Variants in GINS4 observed in about 807,000 individuals in gnomAD.
GINS4 encodes the protein DNA replication complex GINS protein SLD5.
In GINS4, 20 loss-of-function variants were observed where a neutral mutation model predicts 31.1. That is an observed-to-expected ratio of 0.64 (90% CI 0.45 to 0.93). GINS4 has a LOEUF of 0.93. GINS4 is among the 40% of genes least tolerant of loss of function. GINS4 has a pLI of 0.00. For synonymous variants in GINS4, 85 were observed against 97.9 expected (o/e 0.87, Z 0.78); for missense variants, 245 against 273.9 (o/e 0.89, Z 0.75).
At position 41,530,091 on chromosome 8, in the gene GINS4, C is replaced by T. The variant is rs184309159; in HGVS notation, c.-19-93C>T. On this transcript the variant is annotated intron_variant, in intron 1 of 7. Transcript: ENST00000276533. ...AAGGGCCTCTACAACCCCAGGAAAC[C>T]TCAATAAACCTTTCCTTTCTCCAGA... 1.3e-3 allele frequency: 1,026 copies of T among 802,324 alleles called. 4 individuals are homozygous for T. The highest frequency in any genetic ancestry group is 4.1e-3 in the South Asian group (226 of 55,264). 49.7% of individuals were successfully genotyped at this position (802,324 alleles called of 1,614,324 possible). A position where few individuals can be genotyped will look rare whatever the true frequency, so the allele number is the denominator to read the frequency against.
At chr8:41,537,343 C>A in intron 4 of GINS4, 50 bp downstream of exon 4, 1 of 1,329,508 alleles carries the variant, frequency 7.5e-7, no homozygotes, top group Non-Finnish European at 1.1e-6. Flanking sequence ...GTCTGTAATG[C>A]AGACTGAATG....
chr8:41,531,163 T>A (rs570753844), intron 2 of GINS4, among the ~76,000 whole-genome samples: 1 of 152,130 alleles, frequency 6.6e-6, no homozygotes, highest in African/African-American at 2.4e-5. Flanking sequence ...TCCCAGCTAC[T>A]CGGGAGGCTA....
intron 2 of GINS4, among the ~76,000 whole-genome samples, chr8:41,534,741 T>C (rs1273040827): frequency 2.0e-5 from 3 of 151,660 alleles, no homozygotes; most frequent in African/African-American, 2.4e-5. Context: ...ACAGGGTCTT[T>C]TTTTTTTTTG....
In GINS4 at chr8:41,543,552, T is replaced by C. The variant is rs967606876; in HGVS notation, c.*1465T>C. ...AGGCAGTGAATGAATGATCTTTCCTTGAAATGCTATAAAAAGCAACCTGCA... is the reference window on the plus strand; with the variant it reads ...AGGCAGTGAATGAATGATCTTTCCTCGAAATGCTATAAAAAGCAACCTGCA... On this transcript the variant is annotated 3_prime_UTR_variant, in exon 8 of 8. Transcript: ENST00000276533. 1 of 152,216 alleles carries C rather than the reference T, an allele frequency of 6.6e-6. No individual in the cohort carries two copies. The highest frequency in any genetic ancestry group is 2.4e-5 in the African/African-American group (1 of 41,438). The allele number at this position is 152,216 out of a possible 1,614,324, so 9.4% of individuals were successfully genotyped here.
intron 4 of GINS4, among the ~76,000 whole-genome samples, chr8:41,539,319 C>CAAAAA (rs36097557): frequency 2.9e-4 from 16 of 55,742 alleles, no homozygotes; most frequent in African/African-American, 7.1e-4. Flanking sequence ...GACTCCATCT[C>CAAAAA]AAAAAAAAAA....
At chr8:41,538,832 G>A (rs1806785593) in intron 4 of GINS4, among the ~76,000 whole-genome samples, 1 of 151,914 alleles carries the variant, frequency 6.6e-6, no homozygotes, top group South Asian at 2.1e-4. Context: ...AGCCTTCCAA[G>A]TAGCTGGGAT....
Position 41,544,332 on chromosome 8 carries a change from G to A in GINS4, c.*2245G>A, listed in dbSNP as rs62507829. 0.086 allele frequency: 13,136 copies of A among 152,254 alleles called. 636 individuals carry two copies. Among genetic ancestry groups the A allele is most frequent in the Middle Eastern group, 0.14 (40 of 296 alleles). The allele number at this position is 152,254 out of a possible 1,614,324, so 9.4% of individuals were successfully genotyped here. A position where few individuals can be genotyped will look rare whatever the true frequency, so the allele number is the denominator to read the frequency against. ...TTGGTCCCCCACAGTCCTGAGAAGC[G>A]GGCAGGGCTGTGGGAAACAGCAGAT... On this transcript the variant is annotated 3_prime_UTR_variant, in exon 8 of 8. Transcript: ENST00000276533.
intron 2 of GINS4, 129 bp downstream of exon 2, chr8:41,530,427 C>A (rs1450764464): frequency 9.4e-6 from 6 of 637,442 alleles, no homozygotes; most frequent in African/African-American, 1.8e-5. Flanking sequence ...TGGATCTTAC[C>A]ATCTACATGG....
At chr8:41,530,638 G>A (rs1032993838) in intron 2 of GINS4, among the ~76,000 whole-genome samples, 1 of 152,190 alleles carries the variant, frequency 6.6e-6, no homozygotes, top group Admixed American at 6.5e-5. Context: ...TGTTTCCCTG[G>A]AGAATGCCTG....
In GINS4 at chr8:41,542,149, C is replaced by A. The variant is rs978650862; in HGVS notation, c.*62C>A. On this transcript the variant is annotated 3_prime_UTR_variant, in exon 8 of 8. Coordinates refer to ENST00000276533, the MANE Select transcript of GINS4 (RefSeq NM_032336.3). ...CTGTAATCCCAGCACTTTGGGAGGC[C>A]GAGGCGGGCGGATCATGAGGTCAGG... 2.4e-6 allele frequency: 3 copies of A among 1,270,632 alleles called. No individual in the cohort carries two copies. The highest frequency in any genetic ancestry group is 1.2e-5 in the South Asian group (1 of 84,214). The allele number at this position is 1,270,632 out of a possible 1,614,324, so 78.7% of individuals were successfully genotyped here.
chr8:41,541,450 C>T (rs1806839657), intron 6 of GINS4, among the ~76,000 whole-genome samples: 1 of 152,160 alleles, frequency 6.6e-6, no homozygotes, highest in South Asian at 2.1e-4. Flanking sequence ...TTAATTGCCT[C>T]TTTAAAAGCC....
At position 41,544,373 on chromosome 8, in the gene GINS4, TGAGATCAGAACCC is replaced by T. The variant is rs1806896867; in HGVS notation, c.*2287_*2299del. ...AACAGCAGATATTTAGTGGTAAGCC[TGAGATCAGAACCC>T]AAGTCTGCACTTCCTAGTCACGTTC... On this transcript the variant is annotated 3_prime_UTR_variant, in exon 8 of 8. Transcript: ENST00000276533. 6.6e-6 allele frequency: 1 copy of T among 152,234 alleles called. No individual in the cohort carries two copies. The highest frequency in any genetic ancestry group is 1.5e-5 in the Non-Finnish European group (1 of 68,060). 9.4% of individuals were successfully genotyped at this position (152,234 alleles called of 1,614,324 possible). A position where few individuals can be genotyped will look rare whatever the true frequency, so the allele number is the denominator to read the frequency against.
intron 2 of GINS4, among the ~76,000 whole-genome samples, chr8:41,531,793 A>G (rs1806651271): frequency 6.6e-6 from 1 of 152,176 alleles, no homozygotes; most frequent in Admixed American, 6.5e-5. Context: ...TCATTAAACA[A>G]AAATCAAAAG....
chr8:41,533,514 T>G (rs1806684701), intron 2 of GINS4, among the ~76,000 whole-genome samples: 1 of 152,172 alleles, frequency 6.6e-6, no homozygotes, highest in African/African-American at 2.4e-5. Context: ...GTGCCCTGAG[T>G]GCAGCCAAGG....
chr8:41,539,636 T>G, intron 4 of GINS4, 42 bp from the exon 5 acceptor site: 1 of 1,386,092 alleles, frequency 7.2e-7, no homozygotes, highest in Non-Finnish European at 1.0e-6. Flanking sequence ...TCTCTTTGAC[T>G]TTTGCCAATG....
At chr8:41,530,737 T>G (rs914476793) in intron 2 of GINS4, among the ~76,000 whole-genome samples, 2 of 152,226 alleles carry the variant, frequency 1.3e-5, no homozygotes, top group African/African-American at 4.8e-5. Flanking sequence ...TCGTCTGCTC[T>G]CCATATGTCC....
rs1256447941 is a variant in GINS4 at position 41,541,865 on chromosome 8, A to G, written c.541A>G (p.Asn181Asp). The stretch of plus-strand genomic sequence containing the variant: ...TCTGAGAGTGAGAGAACGACAAGAA[A>G]ACATACTGGTAGAACCAGACACAGA... ...VFLRVRERQE[N>D]ILVEPDTDEQ... The change falls in exon 7 of 8, where the codon AAC becomes GAC. Residue 181 changes from asparagine (N) to aspartate (D), a missense_variant. Transcript: ENST00000276533. 1.2e-6 allele frequency: 2 copies of G among 1,614,208 alleles called. No homozygotes were observed. Among genetic ancestry groups the G allele is most frequent in the Non-Finnish European group, 1.7e-6 (2 of 1,180,026 alleles).
intron 4 of GINS4, 120 bp from the exon 5 acceptor site, chr8:41,539,558 C>G (rs1429646375): frequency 1.4e-6 from 1 of 736,950 alleles, no homozygotes; most frequent in East Asian, 2.5e-5. Context: ...CCCACCCTAT[C>G]CCACCTCCAG....
At chr8:41,539,517 G>A (rs777308717) in intron 4 of GINS4, among the ~76,000 whole-genome samples, 161 bp from the exon 5 acceptor site, 4 of 152,012 alleles carry the variant, frequency 2.6e-5, no homozygotes, top group South Asian at 2.1e-4. Flanking sequence ...TCTCAGAGAC[G>A]TTGTCCTGTG....
Sources: allele counts gnomAD v4.1 joint callset (sites outside exome capture counted in the v4.1 genomes callset), GRCh38; gene constraint gnomAD v4.1.1; transcripts MANE v1.5; gene names NCBI Gene and HGNC (gene_info 2026-07-23, HGNC 2026-07-21).